The following MPP2 variants were observed in gnomAD, a reference collection of about 807,000 sequenced individuals.
MPP2 encodes the protein MAGUK p55 subfamily member 2.
Under a neutral mutation model 58.5 loss-of-function variants are expected in MPP2, and 42 were observed. The observed-to-expected ratio is 0.72, with a 90% CI of 0.56 to 0.93. The LOEUF (loss-of-function observed/expected upper bound fraction) is 0.93. MPP2 is among the 40% of genes least tolerant of loss of function. The pLI is 0.00. For synonymous variants in MPP2, 300 were observed against 307.8 expected, an observed-to-expected ratio of 0.97 and a Z score of 0.26; for missense variants, 632 against 760.4, an observed-to-expected ratio of 0.83 and a Z score of 1.99.
chr17:43,884,189 T>C, intron 3 of MPP2: 1 of 701,756 alleles, frequency 1.4e-6, no homozygotes, highest in Non-Finnish European at 2.6e-6. Context: ...CATTAATACA[T>C]TATGTAAGAC....
chr17:43,895,947 G>T (rs192942249), intron 3 of MPP2, among the ~76,000 whole-genome samples: 14 of 152,108 alleles, frequency 9.2e-5, no homozygotes, highest in Non-Finnish European at 1.5e-4. Flanking sequence ...TTCATCTTTC[G>T]CTGTTAACAA....
At position 43,903,213 on chromosome 17, in the gene MPP2, T is replaced by A. The variant is rs113647018; in HGVS notation, c.31+1217A>T. Reference sequence around the variant, plus strand: ...ATCACTTGAACCTGGGAGGTGAAGGTTGCAGTGAGCCGAGATCCCACCACT... The same window carrying A: ...ATCACTTGAACCTGGGAGGTGAAGGATGCAGTGAGCCGAGATCCCACCACT... On this transcript the variant is annotated intron_variant, in intron 2 of 12. Coordinates refer to ENST00000269095, the MANE Select transcript of MPP2 (RefSeq NM_005374.5). Among the ~76,000 whole-genome samples the A allele has an allele frequency of 1.5e-3, 226 of 150,200 alleles. 2 individuals carry two copies. Among genetic ancestry groups the A allele is most frequent in the African/African-American group, 5.3e-3 (216 of 40,754 alleles).
intron 3 of MPP2, among the ~76,000 whole-genome samples, chr17:43,887,101 C>T (rs111314140): frequency 0.022 from 3,311 of 152,006 alleles, 86 homozygotes; most frequent in African/African-American, 0.065. Flanking sequence ...ACCTGCAATC[C>T]CAACACTTTG....
At chr17:43,907,975 G>A, upstream of MPP2, 2 of 985,416 alleles carry the variant, frequency 2.0e-6, no homozygotes. Flanking sequence ...CCAGGAAGCA[G>A]GATACCAGCC....
chr17:43,883,121 C>T, intron 4 of MPP2, 69 bp from the exon 5 acceptor site: 3 of 1,557,890 alleles, frequency 1.9e-6, no homozygotes, highest in Non-Finnish European at 2.6e-6. Context: ...CCAGATCCAA[C>T]TTCCTGCTGG....
At position 43,877,541 on chromosome 17, in the gene MPP2, G is replaced by C. The variant is rs533504919; in HGVS notation, c.*266C>G. 3 of 481,758 alleles carry C rather than the reference G, an allele frequency of 6.2e-6. No individual in the cohort carries two copies. The highest frequency in any genetic ancestry group is 6.5e-5 in the Admixed American group (2 of 30,844). The allele number at this position is 481,758 out of a possible 1,614,324, so 29.8% of individuals were successfully genotyped here. On this transcript the variant is annotated 3_prime_UTR_variant, in exon 13 of 13. Coordinates refer to ENST00000269095, the MANE Select transcript of MPP2 (RefSeq NM_005374.5). ...GGAGGTGACTCTGACACATTCCTGG[G>C]CATAGCTTGGCCCTCAGAGATATCT...
chr17:43,903,700 A>G (rs2048184262), intron 2 of MPP2, among the ~76,000 whole-genome samples: 1 of 152,176 alleles, frequency 6.6e-6, no homozygotes, highest in Admixed American at 6.5e-5. Context: ...AACAACAACA[A>G]CAACTTGGTG....
intron 12 of MPP2, among the ~76,000 whole-genome samples, chr17:43,878,695 C>T (rs1222629470): frequency 6.6e-6 from 1 of 152,214 alleles, no homozygotes; most frequent in Non-Finnish European, 1.5e-5. Context: ...CGGAATGCTG[C>T]AGCACCAGGC....
intron 3 of MPP2, among the ~76,000 whole-genome samples, chr17:43,887,463 T>C (rs557253456): frequency 3.3e-5 from 5 of 152,130 alleles, no homozygotes; most frequent in Admixed American, 3.3e-4. Context: ...TTTGTTTTTT[T>C]GTTTTTTTTT....
chr17:43,897,916 C>A (rs1174924817), intron 3 of MPP2, among the ~76,000 whole-genome samples: 1 of 152,224 alleles, frequency 6.6e-6, no homozygotes, highest in African/African-American at 2.4e-5. Context: ...TGGCAGGTGA[C>A]CTTAGAAAGA....
chr17:43,883,417 C>A, intron 3 of MPP2, 62 bp from the exon 4 acceptor site: 1 of 1,551,380 alleles, frequency 6.4e-7, no homozygotes. Flanking sequence ...GGACACCAAG[C>A]AGGGTCCTCC....
rs190266241 is a variant in MPP2 at position 43,903,631 on chromosome 17, G to A, written c.31+799C>T. On this transcript the variant is annotated intron_variant, in intron 2 of 12. Coordinates refer to ENST00000269095, the MANE Select transcript of MPP2 (RefSeq NM_005374.5). ...GAGGCTGGTAGGCAGAGGTTGCAGT[G>A]AGCCAAGCTTGCGCCACTGCACTCC... Among the ~76,000 whole-genome samples the A allele has an allele frequency of 9.8e-5, 15 of 152,328 alleles. No individual in the cohort carries two copies. The East Asian group carries it at 1.2e-3, about 12-fold the overall frequency.
upstream of MPP2, among the ~76,000 whole-genome samples, chr17:43,909,141 G>A (rs1403220025): frequency 6.6e-6 from 1 of 151,946 alleles, no homozygotes; most frequent in East Asian, 1.9e-4. Context: ...ATCTCGGCTC[G>A]TCGCAACCTC....
chr17:43,903,482 T>C (rs939662485), intron 2 of MPP2, among the ~76,000 whole-genome samples: 2 of 151,600 alleles, frequency 1.3e-5, no homozygotes, highest in Non-Finnish European at 2.9e-5. Flanking sequence ...GTACTTGAGC[T>C]CAGGAGTTTG....
Position 43,879,468 on chromosome 17 carries a change from C to T in MPP2, c.1354-65G>A. 4 of 1,594,708 alleles carry T rather than the reference C, an allele frequency of 2.5e-6. No individual in the cohort carries two copies. The highest frequency in any genetic ancestry group is 3.4e-6 in the Non-Finnish European group (4 of 1,166,504). Reference sequence around the variant, plus strand: ...GTCTGTCCTAGGAACCAGAGAAAGGCTGTGAGGGTAACTGGGGTTGGGGTG... The same window carrying T: ...GTCTGTCCTAGGAACCAGAGAAAGGTTGTGAGGGTAACTGGGGTTGGGGTG... On this transcript the variant is annotated intron_variant, in intron 11 of 12. Transcript: ENST00000269095. The surrounding 1 kb of genome is among the most constrained non-coding windows in gnomAD (Gnocchi z 4.1).
In MPP2 at chr17:43,881,086, C is replaced by T. The variant is rs764410772; in HGVS notation, c.988+4G>A. The T allele has an allele frequency of 1.9e-6, 3 of 1,613,802 alleles. No individual in the cohort carries two copies. The highest frequency in any genetic ancestry group is 2.2e-5 in the South Asian group (2 of 91,046). On this transcript the variant is annotated splice_donor_region_variant and intron_variant, in intron 9 of 12. Coordinates refer to ENST00000269095, the MANE Select transcript of MPP2 (RefSeq NM_005374.5). ...GGTAAGGGAGGGGGCGCTCTGATAC[C>T]CACCTGCATTCTTGGTGGTCAAATA...
chr17:43,905,106 G>A (rs2048239114), intron 1 of MPP2, among the ~76,000 whole-genome samples: 1 of 152,054 alleles, frequency 6.6e-6, no homozygotes, highest in Non-Finnish European at 1.5e-5. Flanking sequence ...GAGCCCAGGA[G>A]GTCGAGGCTA....
At chr17:43,878,180 G>A (rs2046932029) in intron 12 of MPP2, among the ~76,000 whole-genome samples, 197 bp from the exon 13 acceptor site, 1 of 152,146 alleles carries the variant, frequency 6.6e-6, no homozygotes, top group Non-Finnish European at 1.5e-5. Context: ...GTGAAAGGGA[G>A]GAAATAAGCT....
At chr17:43,882,573 GT>G (rs2047183892) in intron 5 of MPP2, 62 bp from the exon 6 acceptor site, 1 of 1,496,420 alleles carries the variant, frequency 6.7e-7, no homozygotes, top group Non-Finnish European at 9.1e-7. Flanking sequence ...TCTTCAAATA[GT>G]CTCCTAATAG....
Sources: gnomAD v4.1 joint callset for allele counts (sites outside exome capture counted in the v4.1 genomes callset) on GRCh38, gnomAD v4.1.1 for gene constraint, Gnocchi (gnomAD v3.1) non-coding constraint, MANE v1.5 for transcripts, NCBI Gene and HGNC (gene_info 2026-07-23, HGNC 2026-07-21) for gene names.